THSD7B: variants seen among roughly 807,000 people sequenced by gnomAD.
The protein encoded by THSD7B is thrombospondin type 1 domain containing 7B.
Under a neutral mutation model 213.6 loss-of-function variants are expected in THSD7B, and 138 were observed. That is an observed-to-expected ratio of 0.65 (90% confidence interval 0.56 to 0.74). The LOEUF (loss-of-function observed/expected upper bound fraction) is 0.74. Among genes scored for constraint, THSD7B ranks in the 30% least tolerant of loss-of-function variants. The probability of loss-of-function intolerance (pLI) is 0.00; values close to 1 mark genes in which losing one functional copy is unlikely to be tolerated. For missense variants in THSD7B, 1,931 were observed against 1,991.5 expected (o/e 0.97, Z 0.58); for synonymous variants, 742 against 687.0 (o/e 1.08, Z -1.25).
intron 12 of THSD7B, among the ~76,000 whole-genome samples, chr2:137,315,419 G>C (rs1220074747): frequency 6.6e-6 from 1 of 152,192 alleles, no homozygotes; most frequent in East Asian, 1.9e-4. Context: ...GCACTCCCTA[G>C]TGAGATGAAC....
intron 2 of THSD7B, among the ~76,000 whole-genome samples, chr2:137,036,391 T>G (rs1686777015): frequency 1.3e-5 from 2 of 152,236 alleles, no homozygotes; most frequent in South Asian, 4.1e-4. Flanking sequence ...TTAATGGAAA[T>G]ATTCATTTCT....
chr2:136,826,381 C>G (rs190646793), intron 1 of THSD7B, among the ~76,000 whole-genome samples: 5 of 152,196 alleles, frequency 3.3e-5, no homozygotes, highest in Non-Finnish European at 7.3e-5. Context: ...CGGATTCATC[C>G]TCTTTTCCCT....
chr2:136,858,636 A>G (rs1490121107), intron 1 of THSD7B, among the ~76,000 whole-genome samples: 2 of 152,236 alleles, frequency 1.3e-5, no homozygotes, highest in African/African-American at 4.8e-5. Flanking sequence ...ATGTAGCTTC[A>G]TAAGTCCAAG....
intron 1 of THSD7B, 98 bp from the exon 2 acceptor site, chr2:136,882,046 C>T (rs1465612): frequency 1 from 915,784 of 918,254 alleles, 456,700 homozygotes; most frequent in East Asian, 1. Flanking sequence ...TAATGAAAAA[C>T]TTGCAATACC....
intron 15 of THSD7B, among the ~76,000 whole-genome samples, chr2:137,460,129 G>A (rs898045218): frequency 2.0e-5 from 3 of 152,132 alleles, no homozygotes; most frequent in South Asian, 2.1e-4. Flanking sequence ...TACAGAAGAG[G>A]AAACTAAGGT....
At chr2:137,674,379 C>CTCTT (rs1164175780) in intron 27 of THSD7B, among the ~76,000 whole-genome samples, 1 of 152,180 alleles carries the variant, frequency 6.6e-6, no homozygotes. Context: ...CTTCCTTGTA[C>CTCTT]TCTTTTTTGC....
At chr2:137,260,608 A>G (rs115352189) in intron 10 of THSD7B, among the ~76,000 whole-genome samples, 5,069 of 152,202 alleles carry the variant, frequency 0.033, 92 homozygotes, top group East Asian at 0.052. Context: ...ACAAAAAACA[A>G]ACAATAATAA....
At chr2:137,523,357 A>G (rs1342534722) in intron 15 of THSD7B, among the ~76,000 whole-genome samples, 2 of 152,174 alleles carry the variant, frequency 1.3e-5, no homozygotes, top group African/African-American at 2.4e-5. Flanking sequence ...ACAGTCTGCA[A>G]TCATGCATTT....
intron 7 of THSD7B, among the ~76,000 whole-genome samples, chr2:137,189,596 A>G (rs1680617724): frequency 6.6e-6 from 1 of 150,728 alleles, no homozygotes; most frequent in South Asian, 2.1e-4. Context: ...TGCTCCATCC[A>G]CAGGTTCCTG....
At chr2:136,826,029 G>C (rs1174207567) in intron 1 of THSD7B, among the ~76,000 whole-genome samples, 3 of 152,126 alleles carry the variant, frequency 2.0e-5, no homozygotes, top group Non-Finnish European at 4.4e-5. Context: ...CATCTTATGG[G>C]AGGGGCATTA....
chr2:137,132,397 AG>A (rs2104955177), intron 5 of THSD7B, among the ~76,000 whole-genome samples: 1 of 151,984 alleles, frequency 6.6e-6, no homozygotes, highest in Non-Finnish European at 1.5e-5. Context: ...AGCTATGTAA[AG>A]ATTTGATTTC....
intron 12 of THSD7B, among the ~76,000 whole-genome samples, chr2:137,304,400 A>G (rs1683691950): frequency 1.3e-5 from 2 of 152,176 alleles, no homozygotes; most frequent in African/African-American, 4.8e-5. Context: ...TGCCTCATGC[A>G]ACTTACTTTC....
At chr2:136,849,512 G>A (rs1041359420) in intron 1 of THSD7B, among the ~76,000 whole-genome samples, 2 of 152,076 alleles carry the variant, frequency 1.3e-5, no homozygotes, top group Non-Finnish European at 2.9e-5. Context: ...ACTTACTGAT[G>A]GGCAGAACAG....
At chr2:137,382,173 G>A (rs1478614887) in intron 12 of THSD7B, among the ~76,000 whole-genome samples, 2 of 152,138 alleles carry the variant, frequency 1.3e-5, no homozygotes, top group Non-Finnish European at 2.9e-5. Flanking sequence ...TCATGGGAGG[G>A]CAACAATGAA....
Position 137,247,163 on chromosome 2 carries a change from C to T in THSD7B, c.2266+4591C>T, listed in dbSNP as rs535150524. Among the ~76,000 whole-genome samples, 96 of 152,282 alleles carry T rather than the reference C, an allele frequency of 6.3e-4. No homozygotes were observed. The Middle Eastern group carries it at 0.01, about 16-fold the overall frequency. On this transcript the variant is annotated intron_variant, in intron 10 of 27. Coordinates refer to ENST00000409968, the MANE Select transcript of THSD7B (RefSeq NM_001316349.2). ...ATCATTGTCATTCCTCATGTTTTTA[C>T]TTTAAGATCACAAATCAGTATTATC...
chr2:136,809,837 C>T (rs1682347684), intron 1 of THSD7B, among the ~76,000 whole-genome samples: 1 of 152,028 alleles, frequency 6.6e-6, no homozygotes, highest in South Asian at 2.1e-4. Flanking sequence ...GTGGAGATGA[C>T]AATAATGAAA....
intron 12 of THSD7B, among the ~76,000 whole-genome samples, chr2:137,362,914 T>A (rs1291782465): frequency 6.6e-6 from 1 of 152,082 alleles, no homozygotes; most frequent in Admixed American, 6.6e-5. Context: ...ACTCTCCACC[T>A]CAAATCAACA....
rs75999287 is a variant in THSD7B, at chr2:137,193,430, G to A, written c.1723+22492G>A. Among the ~76,000 whole-genome samples, 1,111 of 152,248 alleles carry A rather than the reference G, an allele frequency of 7.3e-3. 14 individuals are homozygous for A. The highest frequency in any genetic ancestry group is 0.025 in the African/African-American group (1,022 of 41,536). On this transcript the variant is annotated intron_variant, in intron 7 of 27. Coordinates refer to ENST00000409968, the MANE Select transcript of THSD7B (RefSeq NM_001316349.2). Reference sequence around the variant, plus strand: ...CCTCAAATACTTAACATTACTTGTGGTGAGAACATCTGAAATGTACTCTCT... The same window carrying A: ...CCTCAAATACTTAACATTACTTGTGATGAGAACATCTGAAATGTACTCTCT...
At chr2:136,944,295 C>T (rs1684886208) in intron 2 of THSD7B, among the ~76,000 whole-genome samples, 1 of 152,184 alleles carries the variant, frequency 6.6e-6, no homozygotes, top group African/African-American at 2.4e-5. Context: ...GAGTGCTTTG[C>T]TTCCAACTAT....
Sources: allele counts gnomAD v4.1 joint callset (sites outside exome capture counted in the v4.1 genomes callset), GRCh38; gene constraint gnomAD v4.1.1; transcripts MANE v1.5; gene names NCBI Gene and HGNC (gene_info 2026-07-23, HGNC 2026-07-21).